Variants in LAMB1 observed in about 807,000 individuals in gnomAD.
LAMB1 encodes laminin subunit beta 1.
Under a neutral mutation model 222.3 loss-of-function variants are expected in LAMB1, and 121 were observed. The observed-to-expected ratio is 0.54, with a 90% confidence interval of 0.47 to 0.63. The LOEUF is 0.63. Ranked by LOEUF, LAMB1 falls within the 30% of genes least tolerant of loss-of-function variation. The pLI is 0.00. For missense variants in LAMB1, 2,172 were observed against 2,240.8 expected, an observed-to-expected ratio of 0.97 and a Z score of 0.62; for synonymous variants, 794 against 807.2, an observed-to-expected ratio of 0.98 and a Z score of 0.28.
At position 107,960,253 on chromosome 7, in the gene LAMB1, T is replaced by A. The variant is rs1454750054; in HGVS notation, c.2314+192A>T. Among the ~76,000 whole-genome samples, 4 of 152,360 alleles carry A rather than the reference T, an allele frequency of 2.6e-5. No individual in the cohort carries two copies. The East Asian group carries it at 7.7e-4, about 29-fold the overall frequency. ...CTGTTATTTGCATATTTCTTGAATA[T>A]CAATTCCATCTTCAGTGGTGCTCTT... On this transcript the variant is annotated intron_variant, in intron 18 of 33. Transcript: ENST00000222399.
chr7:107,939,726 G>A (rs954778813), intron 25 of LAMB1, among the ~76,000 whole-genome samples: 1 of 152,130 alleles, frequency 6.6e-6, no homozygotes, highest in African/African-American at 2.4e-5. Flanking sequence ...CTTAGAACAT[G>A]ATTTGCAAGG....
rs777391661 is a variant in LAMB1, at chr7:107,932,218, C to G, written c.4348G>C (p.Asp1450His). ...AWQKAMDLDQ[D>H]VLSALAEVEQ... is the part of the protein sequence containing the mutation. ...ACTTCAGCCAGGGCACTCAGGACATCTTGGTCCAAGTCCATGGCTTTCTGC... is the reference window on the plus strand; with the variant it reads ...ACTTCAGCCAGGGCACTCAGGACATGTTGGTCCAAGTCCATGGCTTTCTGC... The change falls in exon 28 of 34, where the codon GAT becomes CAT. Residue 1450 changes from aspartate (D) to histidine (H), a missense_variant. Asp to His is a moderately conservative substitution (Grantham distance 81). Coordinates refer to ENST00000222399, the MANE Select transcript of LAMB1 (RefSeq NM_002291.3). 1 of 1,614,138 alleles carries G rather than the reference C, an allele frequency of 6.2e-7. No individual in the cohort carries two copies. The highest frequency in any genetic ancestry group is 1.3e-5 in the African/African-American group (1 of 74,950).
Position 107,937,024 on chromosome 7 carries a change from G to T in LAMB1, c.3946+69C>A, listed in dbSNP as rs577593098. 3.2e-6 allele frequency: 4 copies of T among 1,248,116 alleles called. No individual in the cohort carries two copies. The East Asian group carries it at 9.7e-5, about 30-fold the overall frequency. The allele number at this position is 1,248,116 out of a possible 1,614,324, so 77.3% of individuals were successfully genotyped here. A position where few individuals can be genotyped will look rare whatever the true frequency, so the allele number is the denominator to read the frequency against. ...AAAACTTTTTTTTTTCCCCAAAAGTGCTATATTAAAACGTTAGACATATCG... is the reference window on the plus strand; with the variant it reads ...AAAACTTTTTTTTTTCCCCAAAAGTTCTATATTAAAACGTTAGACATATCG... On this transcript the variant is annotated intron_variant, in intron 26 of 33. Transcript: ENST00000222399.
chr7:107,999,089 CTGTTGGGAGGACCACGCCA>C (rs2034333439), intron 3 of LAMB1, among the ~76,000 whole-genome samples: 1 of 152,324 alleles, frequency 6.6e-6, no homozygotes, highest in African/African-American at 2.4e-5. Flanking sequence ...GAGGACCAGG[CTGTTGGGAGGACCACGCCA>C]TGTTGGGCCC....
At chr7:107,969,278 A>T (rs2033696585) in intron 13 of LAMB1, among the ~76,000 whole-genome samples, 1 of 141,160 alleles carries the variant, frequency 7.1e-6, no homozygotes, top group Non-Finnish European at 1.5e-5. Context: ...ACAGAGCGAG[A>T]CTCCGTCTCA....
In LAMB1 at chr7:107,926,065, T is replaced by A. The variant is rs570747377; in HGVS notation, c.5064+118A>T. Reference sequence around the variant, plus strand: ...GACGGCTGTTGCAAAACAGGTCATTTGATATTTCTGATGAATTCTGTTTCT... The same window carrying A: ...GACGGCTGTTGCAAAACAGGTCATTAGATATTTCTGATGAATTCTGTTTCT... On this transcript the variant is annotated intron_variant, in intron 32 of 33. Coordinates refer to ENST00000222399, the MANE Select transcript of LAMB1 (RefSeq NM_002291.3). 50 of 738,130 alleles carry A rather than the reference T, an allele frequency of 6.8e-5. No homozygotes were observed. The African/African-American group carries it at 8.7e-4, about 13-fold the overall frequency. 45.7% of individuals were successfully genotyped at this position (738,130 alleles called of 1,614,324 possible).
chr7:107,980,581 G>C (rs769069699), intron 8 of LAMB1, 28 bp downstream of exon 8: 1 of 1,564,668 alleles, frequency 6.4e-7, no homozygotes, highest in Non-Finnish European at 8.8e-7. Flanking sequence ...CCACATAAAG[G>C]AGAAAGGTGC....
intron 20 of LAMB1, among the ~76,000 whole-genome samples, chr7:107,958,202 C>G (rs2033418202): frequency 6.6e-6 from 1 of 152,146 alleles, no homozygotes; most frequent in Non-Finnish European, 1.5e-5. Flanking sequence ...AAAGATGACC[C>G]CAAAATATTA....
intron 24 of LAMB1, among the ~76,000 whole-genome samples, chr7:107,940,979 A>G (rs774698761): frequency 1.2e-4 from 19 of 152,240 alleles, no homozygotes; most frequent in Non-Finnish European, 2.5e-4. Flanking sequence ...AACAAAACCC[A>G]AAGGAATTCT....
At chr7:107,951,349 A>G (rs777779955) in intron 23 of LAMB1, 27 bp from the exon 24 acceptor site, 1 of 1,607,914 alleles carries the variant, frequency 6.2e-7, no homozygotes, top group African/African-American at 1.3e-5. Flanking sequence ...GACCTTGGTC[A>G]AGCAGGCTTC....
At chr7:107,957,002 G>A (rs192107493) in intron 20 of LAMB1, among the ~76,000 whole-genome samples, 51 of 152,296 alleles carry the variant, frequency 3.3e-4, no homozygotes, top group Middle Eastern at 3.4e-3. Context: ...CAAGGTGAAT[G>A]GTAATTATGT....
intron 26 of LAMB1, among the ~76,000 whole-genome samples, chr7:107,936,562 CAT>C (rs2032852040): frequency 6.6e-6 from 1 of 152,144 alleles, no homozygotes; most frequent in Non-Finnish European, 1.5e-5. Flanking sequence ...AACAGCATGA[CAT>C]GTTTTTAGCT....
intron 26 of LAMB1, 101 bp from the exon 27 acceptor site, chr7:107,935,757 T>A: frequency 1.6e-6 from 2 of 1,284,306 alleles, no homozygotes; most frequent in Middle Eastern, 3.9e-4. Flanking sequence ...AAATTTACTG[T>A]AAAGTTTTAA....
chr7:107,924,310 G>C lies in LAMB1; in HGVS notation c.5144C>G (p.Ala1715Gly). The change falls in exon 33 of 34, where the codon GCC becomes GGC. Residue 1715 changes from alanine to glycine, a missense_variant. Ala to Gly is a moderately conservative substitution (Grantham distance 60). Coordinates refer to ENST00000222399, the MANE Select transcript of LAMB1 (RefSeq NM_002291.3). Reference sequence around the variant, plus strand: ...TTGTAGCATTTCGGCTTTCCTTCTGGCATCAGCTGACTCTTCAGTTTTTTT... The same window carrying C: ...TTGTAGCATTTCGGCTTTCCTTCTGCCATCAGCTGACTCTTCAGTTTTTTT... ...IAKKTEESAD[A>G]RRKAEMLQNE... 6.2e-7 allele frequency: 1 copy of C among 1,612,740 alleles called. No individual in the cohort carries two copies. The highest frequency in any genetic ancestry group is 1.1e-5 in the South Asian group (1 of 90,864).
intron 13 of LAMB1, among the ~76,000 whole-genome samples, chr7:107,967,522 C>T (rs898213652): frequency 2.0e-5 from 3 of 152,166 alleles, no homozygotes; most frequent in African/African-American, 7.2e-5. Flanking sequence ...TCTGCAGCCT[C>T]CATAACCCAT....
intron 7 of LAMB1, among the ~76,000 whole-genome samples, chr7:107,981,833 A>G (rs2033979565): frequency 1.3e-5 from 2 of 152,182 alleles, no homozygotes; most frequent in African/African-American, 4.8e-5. Context: ...AAAATTTGAA[A>G]TTTCCCACCG....
intron 5 of LAMB1, among the ~76,000 whole-genome samples, chr7:107,993,412 G>A (rs1007916971): frequency 2.6e-5 from 4 of 152,188 alleles, no homozygotes; most frequent in African/African-American, 9.7e-5. Flanking sequence ...GGGATTACAG[G>A]TGTGAGCCAC....
intron 5 of LAMB1, among the ~76,000 whole-genome samples, chr7:107,988,713 G>A (rs2034127638): frequency 6.6e-6 from 1 of 152,184 alleles, no homozygotes; most frequent in Admixed American, 6.5e-5. Context: ...AGGGTGGGCT[G>A]TAATCATATG....
intron 20 of LAMB1, among the ~76,000 whole-genome samples, chr7:107,955,898 G>GTT (rs58278482): frequency 1.3e-5 from 2 of 151,414 alleles, no homozygotes; most frequent in Non-Finnish European, 2.9e-5. Context: ...ACACCTGGCT[G>GTT]TTTTTTTGTT....
Sources: allele counts gnomAD v4.1 joint callset (sites outside exome capture counted in the v4.1 genomes callset), GRCh38; gene constraint gnomAD v4.1.1; transcripts MANE v1.5; gene names NCBI Gene and HGNC (gene_info 2026-07-23, HGNC 2026-07-21).